Variants in SNRNP48 observed in about 807,000 individuals in gnomAD.
SNRNP48 encodes small nuclear ribonucleoprotein U11/U12 subunit 48, also known as U11/U12 small nuclear ribonucleoprotein 48 kDa protein.
SNRNP48 carries 43 observed loss-of-function variants against 47.0 expected under a neutral mutation model. That is an observed-to-expected ratio of 0.92 (90% CI 0.72 to 1.18). The LOEUF (loss-of-function observed/expected upper bound fraction) is 1.18, where lower values mean the gene tolerates loss of function less well. Ranked by LOEUF, SNRNP48 falls within the 50% of genes most tolerant of loss-of-function variation. The probability of loss-of-function intolerance (pLI) is 0.00; values close to 1 mark genes in which losing one functional copy is unlikely to be tolerated. For synonymous variants in SNRNP48, 138 were observed against 144.0 expected (o/e 0.96, Z 0.30); for missense variants, 396 against 422.2 (o/e 0.94, Z 0.54).
intron 4 of SNRNP48, chr6:7,600,106 T>C: frequency 1.0e-6 from 1 of 994,164 alleles, no homozygotes; most frequent in Non-Finnish European, 1.2e-6. Context: ...TAGAATAAAA[T>C]TGATTGACTT....
intron 8 of SNRNP48, among the ~76,000 whole-genome samples, chr6:7,607,038 G>A (rs1561716052): frequency 6.6e-6 from 1 of 152,206 alleles, no homozygotes; most frequent in Non-Finnish European, 1.5e-5. Flanking sequence ...TTCCGTGGCG[G>A]TCTGGCATGG....
At chr6:7,591,098 C>T (rs1488068291) in intron 1 of SNRNP48, among the ~76,000 whole-genome samples, 3 of 152,190 alleles carry the variant, frequency 2.0e-5, no homozygotes, top group East Asian at 1.9e-4. Context: ...TGGCGGTTTG[C>T]ATTGTCATCT....
rs1760196415 is a variant in SNRNP48, at chr6:7,609,684, A to AT, written c.*811_*812insT. ...GAACTTTAGCTTTATCCATAACATTAATTTTTTTAAAAAATAAGGTCTTAA... is the reference window on the plus strand; with the variant it reads ...GAACTTTAGCTTTATCCATAACATTATATTTTTTTAAAAAATAAGGTCTTAA... On this transcript the variant is annotated 3_prime_UTR_variant, in exon 9 of 9. Transcript: ENST00000342415. 6.7e-6 allele frequency: 1 copy of AT among 149,980 alleles called. No individual in the cohort carries two copies. Among genetic ancestry groups the AT allele is most frequent in the African/African-American group, 2.5e-5 (1 of 39,342 alleles). The allele number at this position is 149,980 out of a possible 1,614,324, so 9.3% of individuals were successfully genotyped here.
At chr6:7,605,085 A>G (rs1395576503) in intron 6 of SNRNP48, among the ~76,000 whole-genome samples, 1 of 151,968 alleles carries the variant, frequency 6.6e-6, no homozygotes, top group Non-Finnish European at 1.5e-5. Flanking sequence ...TGAATTCTTT[A>G]AGGGTTAAAT....
At chr6:7,593,218 AC>A (rs1187991441) in intron 1 of SNRNP48, among the ~76,000 whole-genome samples, 1 of 151,960 alleles carries the variant, frequency 6.6e-6, no homozygotes, top group African/African-American at 2.4e-5. Flanking sequence ...CTAAAGGGGG[AC>A]AAATAGAGCA....
In SNRNP48 at chr6:7,610,515, T is replaced by C. The variant is rs775328274; in HGVS notation, c.*1642T>C. 4 of 152,244 alleles carry C rather than the reference T, an allele frequency of 2.6e-5. No homozygotes were observed. Among genetic ancestry groups the C allele is most frequent in the Non-Finnish European group, 5.9e-5 (4 of 68,042 alleles). 9.4% of individuals were successfully genotyped at this position (152,244 alleles called of 1,614,324 possible). On this transcript the variant is annotated 3_prime_UTR_variant, in exon 9 of 9. Coordinates refer to ENST00000342415, the MANE Select transcript of SNRNP48 (RefSeq NM_152551.4). The stretch of plus-strand genomic sequence containing the variant: ...CATCAGGAATTTCATATTTTTCATA[T>C]TGTGTGACAACTTATAATTTTGTTT...
In SNRNP48 at chr6:7,594,125, C is replaced by G. The variant is rs1759863962; in HGVS notation, c.297C>G (p.Phe99Leu). ...EEDEMYNPEFFYENVKIPSIT... is the reference protein window; with the variant it reads ...EEDEMYNPEFLYENVKIPSIT... ...ATGAAATGTATAATCCTGAGTTTTTCTATGAAAATGTGAAGATACCTTCGA... is the reference window on the plus strand; with the variant it reads ...ATGAAATGTATAATCCTGAGTTTTTGTATGAAAATGTGAAGATACCTTCGA... Residue 99 changes from phenylalanine to leucine, a missense_variant, in exon 3 of 9, where the codon TTC (phenylalanine) becomes TTG (leucine). Transcript: ENST00000342415. 7.0e-7 allele frequency: 1 copy of G among 1,421,332 alleles called. No homozygotes were observed. Among genetic ancestry groups the G allele is most frequent in the Admixed American group, 2.3e-5 (1 of 42,750 alleles). The allele number at this position is 1,421,332 out of a possible 1,614,324, so 88.0% of individuals were successfully genotyped here.
intron 4 of SNRNP48, among the ~76,000 whole-genome samples, 154 bp downstream of exon 4, chr6:7,595,255 A>G (rs1440366585): frequency 6.6e-6 from 1 of 152,202 alleles, no homozygotes; most frequent in African/African-American, 2.4e-5. Context: ...GCTTCGTTTC[A>G]ACTTCATTTG....
chr6:7,593,880 T>C, intron 2 of SNRNP48, 33 bp downstream of exon 2: 1 of 1,409,234 alleles, frequency 7.1e-7, no homozygotes, highest in Non-Finnish European at 9.7e-7. Context: ...TATATACATA[T>C]ATGTCATGCA....
intron 6 of SNRNP48, 129 bp from the exon 7 acceptor site, chr6:7,605,269 A>T (rs915576281): frequency 1.5e-6 from 1 of 689,550 alleles, no homozygotes; most frequent in African/African-American, 1.8e-5. Context: ...TAAACTGCAC[A>T]AGTCCCACAG....
At chr6:7,593,685 A>G (rs760704617) in intron 1 of SNRNP48, 49 bp from the exon 2 acceptor site, 6 of 1,158,418 alleles carry the variant, frequency 5.2e-6, no homozygotes, top group South Asian at 1.7e-5. Flanking sequence ...GTAATTATTT[A>G]TTTAAATATT....
In SNRNP48 at chr6:7,606,020, CTG is replaced by C. The variant is rs373755302; in HGVS notation, c.807-7_807-6del. The C allele has an allele frequency of 2.0e-5, 32 of 1,588,708 alleles. No individual in the cohort carries two copies. The African/African-American group carries it at 2.3e-4, about 12-fold the overall frequency. ...AACACAAACTGATTAACATTCTTTT[CTG>C]TGTTTTAGGAATGAAGAAAGGCGAT... On this transcript the variant is annotated splice_polypyrimidine_tract_variant and intron_variant, in intron 7 of 8. Transcript: ENST00000342415.
chr6:7,597,190 T>C (rs1759918737), intron 4 of SNRNP48, among the ~76,000 whole-genome samples: 1 of 152,234 alleles, frequency 6.6e-6, no homozygotes, highest in African/African-American at 2.4e-5. Context: ...CTCTGCTAGA[T>C]AATATCAAAG....
At chr6:7,593,116 A>G (rs1759847471) in intron 1 of SNRNP48, among the ~76,000 whole-genome samples, 1 of 152,134 alleles carries the variant, frequency 6.6e-6, no homozygotes, top group Admixed American at 6.5e-5. Context: ...CTCACTGTAT[A>G]GTGAGAGTTG....
chr6:7,590,403 A>G lies in SNRNP48; in HGVS notation c.146A>G (p.Glu49Gly). Residue 49 changes from glutamate to glycine, a missense_variant, in exon 1 of 9, where the codon GAG becomes GGG. Transcript: ENST00000342415. ...GATAGTCTGGATCCCGGGGAAGAGG[A>G]GGCGGCGGAGGTGAGGAGCGCGGCC... ...DLDSLDPGEEEAAEDEVVICP... is the reference protein window; with the variant it reads ...DLDSLDPGEEGAAEDEVVICP... 1 of 1,316,472 alleles carries G rather than the reference A, an allele frequency of 7.6e-7. No individual in the cohort carries two copies. Among genetic ancestry groups the G allele is most frequent in the South Asian group, 2.3e-5 (1 of 42,714 alleles). 81.5% of individuals were successfully genotyped at this position (1,316,472 alleles called of 1,614,324 possible). A position where few individuals can be genotyped will look rare whatever the true frequency, so the allele number is the denominator to read the frequency against.
chr6:7,592,288 T>TAA (rs964549056), intron 1 of SNRNP48, among the ~76,000 whole-genome samples: 30 of 151,498 alleles, frequency 2.0e-4, no homozygotes, highest in Admixed American at 1.4e-3. Context: ...AGCTAGAGCA[T>TAA]AGAGTGTAGA....
At chr6:7,605,631 T>A in intron 7 of SNRNP48, 145 bp downstream of exon 7, 1 of 739,918 alleles carries the variant, frequency 1.4e-6, no homozygotes. Context: ...TCGTTGTCAG[T>A]GCCCAGGGTT....
chr6:7,605,267 A>G (rs1760103998), intron 6 of SNRNP48, 131 bp from the exon 7 acceptor site: 8 of 681,352 alleles, frequency 1.2e-5, no homozygotes, highest in Non-Finnish European at 2.0e-5. Flanking sequence ...TCTAAACTGC[A>G]CAAGTCCCAC....
At chr6:7,603,975 A>G (rs1760080761) in intron 6 of SNRNP48, among the ~76,000 whole-genome samples, 2 of 152,220 alleles carry the variant, frequency 1.3e-5, no homozygotes, top group African/African-American at 4.8e-5. Context: ...AGCATCGTCT[A>G]AGGAATGTAC....
Sources: allele counts gnomAD v4.1 joint callset (sites outside exome capture counted in the v4.1 genomes callset), GRCh38; gene constraint gnomAD v4.1.1; transcripts MANE v1.5; gene names NCBI Gene and HGNC (gene_info 2026-07-23, HGNC 2026-07-21).